The following TTLL1 variants were observed in gnomAD, a reference collection of about 807,000 sequenced individuals.
TTLL1 encodes the protein TTL family tubulin polyglutamylase complex subunit L1.
Under a neutral mutation model 47.8 loss-of-function variants are expected in TTLL1, and 33 were observed. The ratio of observed to expected loss-of-function variants is 0.69; its 90% CI spans 0.52 to 0.92. The LOEUF is 0.92. TTLL1 is among the 40% of genes least tolerant of loss of function. TTLL1 has a pLI of 0.00. For missense variants in TTLL1, 488 were observed against 547.5 expected, an observed-to-expected ratio of 0.89 and a Z score of 1.08; for synonymous variants, 225 against 214.1, an observed-to-expected ratio of 1.05 and a Z score of -0.45.
chr22:43,059,237 G>A (rs913155803), intron 8 of TTLL1, 147 bp downstream of exon 8: 18 of 1,140,984 alleles, frequency 1.6e-5, no homozygotes, highest in Admixed American at 1.0e-4. Flanking sequence ...CAGGTGATCC[G>A]CCCGCCTCGG....
rs1375487824 is a variant in TTLL1, at chr22:43,063,799, A to G, written c.747+14T>C. Reference sequence around the variant, plus strand: ...AGTCCATTTCTGTAAGCACAAATGAAAGGACACACTCACCCCGTGTTTCTG... The same window carrying G: ...AGTCCATTTCTGTAAGCACAAATGAGAGGACACACTCACCCCGTGTTTCTG... On this transcript the variant is annotated intron_variant, in intron 7 of 10. Transcript: ENST00000266254. The G allele has an allele frequency of 1.9e-6, 3 of 1,611,708 alleles. No individual in the cohort carries two copies. The highest frequency in any genetic ancestry group is 2.5e-6 in the Non-Finnish European group (3 of 1,177,976).
rs1337142569 is a variant in TTLL1, at chr22:43,039,676, C to A, written c.*100G>T. 3.5e-6 allele frequency: 5 copies of A among 1,438,008 alleles called. No individual in the cohort carries two copies. Among genetic ancestry groups the A allele is most frequent in the Non-Finnish European group, 4.6e-6 (5 of 1,083,900 alleles). The allele number at this position is 1,438,008 out of a possible 1,614,324, so 89.1% of individuals were successfully genotyped here. A position where few individuals can be genotyped will look rare whatever the true frequency, so the allele number is the denominator to read the frequency against. On this transcript the variant is annotated 3_prime_UTR_variant, in exon 11 of 11. Transcript: ENST00000266254. Reference sequence around the variant, plus strand: ...GAAGTGCCTTCGTTTATTTACAGGGCTTAGGAAAGGAAAAAAGCTCTACAA... The same window carrying A: ...GAAGTGCCTTCGTTTATTTACAGGGATTAGGAAAGGAAAAAAGCTCTACAA...
chr22:43,072,369 T>G (rs1294298253), intron 3 of TTLL1, among the ~76,000 whole-genome samples: 6 of 152,106 alleles, frequency 3.9e-5, no homozygotes, highest in Admixed American at 3.9e-4. Context: ...TTAGCCTGGA[T>G]AGTCTCGATC....
chr22:43,074,126 T>C (rs1342853130), intron 3 of TTLL1, among the ~76,000 whole-genome samples: 1 of 151,190 alleles, frequency 6.6e-6, no homozygotes, highest in Non-Finnish European at 1.5e-5. Flanking sequence ...ACAAGAGCTC[T>C]CAAAATATCA....
intron 3 of TTLL1, among the ~76,000 whole-genome samples, chr22:43,074,761 C>G (rs942836643): frequency 1.3e-5 from 2 of 151,900 alleles, no homozygotes; most frequent in African/African-American, 2.4e-5. Context: ...TATTCATGGC[C>G]GGACATGGTG....
In TTLL1 at chr22:43,050,131, A is replaced by T. The variant is rs148477977; in HGVS notation, c.978+1670T>A. 2.6e-3 allele frequency among the ~76,000 whole-genome samples: 390 copies of T among 147,196 alleles called. 3 individuals are homozygous for T. The highest frequency in any genetic ancestry group is 9.2e-3 in the African/African-American group (366 of 39,644). On this transcript the variant is annotated intron_variant, in intron 9 of 10. Coordinates refer to ENST00000266254, the MANE Select transcript of TTLL1 (RefSeq NM_012263.5). ...AAAACAGAATTGTTATTATATAAAAAGTAGGGCTGGGTGCAGTGGCTCACA... is the reference window on the plus strand; with the variant it reads ...AAAACAGAATTGTTATTATATAAAATGTAGGGCTGGGTGCAGTGGCTCACA...
At chr22:43,084,205 C>T (rs1929077456) in intron 1 of TTLL1, among the ~76,000 whole-genome samples, 1 of 152,068 alleles carries the variant, frequency 6.6e-6, no homozygotes. Flanking sequence ...GGCTGGAGTG[C>T]AGTGGTGCAA....
chr22:43,041,191 C>A (rs941276496), intron 10 of TTLL1: 10 of 152,178 alleles, frequency 6.6e-5, no homozygotes, highest in African/African-American at 2.2e-4. Context: ...ATTTCTAATT[C>A]GGAGTTTTTT....
chr22:43,044,255 T>G (rs1187842181), intron 10 of TTLL1, among the ~76,000 whole-genome samples: 1 of 147,748 alleles, frequency 6.8e-6, no homozygotes, highest in Non-Finnish European at 1.5e-5. Context: ...AACCACACAC[T>G]GACTGGTCAC....
intron 9 of TTLL1, among the ~76,000 whole-genome samples, chr22:43,048,650 A>C (rs143378015): frequency 2.7e-4 from 41 of 150,774 alleles, no homozygotes; most frequent in Admixed American, 1.5e-3. Flanking sequence ...TAAAAAAAAA[A>C]ACCCAGGCCA....
At position 43,039,757 on chromosome 22, in the gene TTLL1, G is replaced by C. The variant is rs1205444893; in HGVS notation, c.*19C>G. The C allele has an allele frequency of 1.9e-6, 3 of 1,576,290 alleles. No homozygotes were observed. The highest frequency in any genetic ancestry group is 2.6e-6 in the Non-Finnish European group (3 of 1,158,324). ...GGGCCCAGGTGGAGTGAGTAGTTTT[G>C]ATAAGGTCCAGGTGGGACTCACTTC... On this transcript the variant is annotated 3_prime_UTR_variant, in exon 11 of 11. Coordinates refer to ENST00000266254, the MANE Select transcript of TTLL1 (RefSeq NM_012263.5).
At chr22:43,053,190 C>CA (rs1419123383) in intron 8 of TTLL1, among the ~76,000 whole-genome samples, 2 of 152,278 alleles carry the variant, frequency 1.3e-5, no homozygotes, top group East Asian at 3.9e-4. Context: ...ACAGGCTCCT[C>CA]AGAGACTTGT....
chr22:43,060,601 A>G (rs1244855052), intron 7 of TTLL1, among the ~76,000 whole-genome samples: 1 of 152,220 alleles, frequency 6.6e-6, no homozygotes, highest in Non-Finnish European at 1.5e-5. Flanking sequence ...CCGGGCTCAG[A>G]GAAGCTGTTA....
At position 43,050,210 on chromosome 22, in the gene TTLL1, G is replaced by A. The variant is rs185839900; in HGVS notation, c.978+1591C>T. Among the ~76,000 whole-genome samples, 660 of 152,192 alleles carry A rather than the reference G, an allele frequency of 4.3e-3. 4 individuals are homozygous for A. Among genetic ancestry groups the A allele is most frequent in the African/African-American group, 0.015 (619 of 41,528 alleles). On this transcript the variant is annotated intron_variant, in intron 9 of 10. Coordinates refer to ENST00000266254, the MANE Select transcript of TTLL1 (RefSeq NM_012263.5). ...AGGTGGGCAGATCACGAGGTCAGGAGTTTGAGACCAGCCTGACCAAAATGG... is the reference window on the plus strand; with the variant it reads ...AGGTGGGCAGATCACGAGGTCAGGAATTTGAGACCAGCCTGACCAAAATGG...
chr22:43,057,733 G>C, intron 8 of TTLL1, among the ~76,000 whole-genome samples: 1 of 143,912 alleles, frequency 6.9e-6, no homozygotes, highest in Admixed American at 6.9e-5. Flanking sequence ...ACTGACAGGA[G>C]AGACTGGGCT....
rs772256904 is a variant in TTLL1, at chr22:43,056,557, G to A, written c.891+2827C>T. 5.9e-4 allele frequency among the ~76,000 whole-genome samples: 88 copies of A among 149,440 alleles called. 1 individual carries two copies. Among genetic ancestry groups the A allele is most frequent in the Admixed American group, 6.1e-4 (9 of 14,832 alleles). On this transcript the variant is annotated intron_variant, in intron 8 of 10. Transcript: ENST00000266254. ...CAGCACTTTTGGGAGGTCCAGGTGCGTGGATCACCTCAGGTCAGGAGTTCG... is the reference window on the plus strand; with the variant it reads ...CAGCACTTTTGGGAGGTCCAGGTGCATGGATCACCTCAGGTCAGGAGTTCG...
At chr22:43,049,322 G>A (rs1413797710) in intron 9 of TTLL1, among the ~76,000 whole-genome samples, 4 of 151,274 alleles carry the variant, frequency 2.6e-5, no homozygotes, top group Admixed American at 6.6e-5. Context: ...TCAGGAGTTC[G>A]AGACCAGCCT....
In TTLL1 at chr22:43,068,469, G is replaced by A. The variant is rs145162777; in HGVS notation, c.444C>T (p.Ile148=). The A allele has an allele frequency of 8.1e-5, 128 of 1,572,696 alleles. 2 individuals carry two copies. The Middle Eastern group carries it at 1.0e-3, about 13-fold the overall frequency. ...TCTGTGAGAGCTTGTTGATAAGGAAGATGCCCTTTCCCTGGGCCTTGCCAC... is the reference window on the plus strand; with the variant it reads ...TCTGTGAGAGCTTGTTGATAAGGAAAATGCCCTTTCCCTGGGCCTTGCCAC... ...KPCGKAQGKG[I]FLINKLSQIK... The change falls in exon 5 of 11, where the codon ATC becomes ATT. Residue 148 remains isoleucine, a synonymous_variant. Coordinates refer to ENST00000266254, the MANE Select transcript of TTLL1 (RefSeq NM_012263.5).
At chr22:43,055,809 A>T (rs1037544025) in intron 8 of TTLL1, among the ~76,000 whole-genome samples, 14 of 152,014 alleles carry the variant, frequency 9.2e-5, no homozygotes, top group Admixed American at 7.9e-4. Context: ...GAAGCCTTTC[A>T]CTTCAAAGAG....
Sources: allele counts gnomAD v4.1 joint callset (sites outside exome capture counted in the v4.1 genomes callset), GRCh38; gene constraint gnomAD v4.1.1; transcripts MANE v1.5; gene names NCBI Gene and HGNC (gene_info 2026-07-23, HGNC 2026-07-21).